The following LIMA1 variants were observed in gnomAD, a reference collection of about 807,000 sequenced individuals.
The protein encoded by LIMA1 is LIM domain and actin-binding protein 1.
LIMA1 carries 52 observed loss-of-function variants against 62.6 expected under a neutral mutation model. The observed-to-expected ratio is 0.83, with a 90% CI of 0.67 to 1.05. The LOEUF (loss-of-function observed/expected upper bound fraction) is 1.05. Among genes scored for constraint, LIMA1 ranks in the 50% least tolerant of loss-of-function variants. The pLI is 0.00. For missense variants in LIMA1, 780 were observed against 902.2 expected (o/e 0.86, Z 1.74); for synonymous variants, 302 against 317.8 (o/e 0.95, Z 0.53).
chr12:50,237,402 C>T (rs1941711125), intron 2 of LIMA1, among the ~76,000 whole-genome samples: 1 of 152,144 alleles, frequency 6.6e-6, no homozygotes. Flanking sequence ...TTTGGGAGGC[C>T]AAGGCGGGCG....
chr12:50,192,371 C>T, intron 9 of LIMA1, 81 bp downstream of exon 9: 1 of 996,374 alleles, frequency 1.0e-6, no homozygotes, highest in East Asian at 2.4e-5. Flanking sequence ...AGGTTATAAT[C>T]AACATCATCA....
intron 1 of LIMA1, among the ~76,000 whole-genome samples, chr12:50,251,248 C>A (rs977534501): frequency 6.6e-6 from 1 of 151,990 alleles, no homozygotes; most frequent in African/African-American, 2.4e-5. Context: ...AATATACTAC[C>A]AATATAGTTG....
chr12:50,226,765 G>C (rs948478670), intron 3 of LIMA1, among the ~76,000 whole-genome samples: 2 of 151,828 alleles, frequency 1.3e-5, no homozygotes, highest in African/African-American at 4.8e-5. Context: ...CTTGAACCCG[G>C]GAGGCGGAGG....
At position 50,177,931 on chromosome 12, in the gene LIMA1, GT is replaced by G. The variant is rs1565824581; in HGVS notation, c.1412del (p.Asn471ThrfsTer23). The G allele has an allele frequency of 1.2e-6, 2 of 1,613,956 alleles. No homozygotes were observed. The highest frequency in any genetic ancestry group is 1.7e-6 in the Non-Finnish European group (2 of 1,180,000). On this transcript the variant is annotated frameshift_variant, in exon 11 of 11. Transcript: ENST00000341247. LOFTEE classifies it high-confidence loss of function. ...GGGCTGGTCTCTCCAAAATCTCTTC[GT>G]TTTCATTTTTGCTTGCCCATAGATC... ...HKDLWASKNE[N>X]EEILERPAQL...
intron 2 of LIMA1, 136 bp downstream of exon 2, chr12:50,248,497 C>G: frequency 8.2e-5 from 52 of 630,458 alleles, no homozygotes; most frequent in Non-Finnish European, 1.0e-4. Context: ...CTCCACAGTA[C>G]CTCATATAGT....
intron 4 of LIMA1, chr12:50,217,697 G>T: frequency 3.7e-6 from 1 of 268,632 alleles, no homozygotes; most frequent in Non-Finnish European, 7.4e-6. Context: ...AGCACCCGCA[G>T]GTCTACAGTG....
At chr12:50,205,898 T>A in intron 5 of LIMA1, 86 bp downstream of exon 5, 2 of 906,936 alleles carry the variant, frequency 2.2e-6, no homozygotes, top group Non-Finnish European at 3.3e-6. Flanking sequence ...ACTCTTCCTT[T>A]AAAAGCATTG....
intron 2 of LIMA1, among the ~76,000 whole-genome samples, chr12:50,240,035 AC>A (rs1317095277): frequency 1.1e-4 from 17 of 149,882 alleles, no homozygotes; most frequent in South Asian, 6.7e-4. Context: ...ACATAACATA[AC>A]ATAACATAAC....
intron 10 of LIMA1, among the ~76,000 whole-genome samples, chr12:50,179,651 A>C (rs183295954): frequency 1.9e-4 from 28 of 148,516 alleles, no homozygotes; most frequent in African/African-American, 6.5e-4. Flanking sequence ...GTTAGCCAGG[A>C]TGGTCTCAAT....
At position 50,177,861 on chromosome 12, in the gene LIMA1, C is replaced by A; in HGVS notation, c.1483G>T (p.Asp495Tyr). ...RETPHSPGVE[D>Y]APIAKVGVLA... is the part of the protein sequence containing the mutation. Reference sequence around the variant, plus strand: ...ACACCCACCTTAGCAATAGGGGCATCTTCTACCCCTGGGCTGTGAGGGGTC... The same window carrying A: ...ACACCCACCTTAGCAATAGGGGCATATTCTACCCCTGGGCTGTGAGGGGTC... Residue 495 changes from aspartate (D) to tyrosine (Y), a missense_variant, in exon 11 of 11, where the codon GAT becomes TAT. Physicochemically the swap from Asp to Tyr is radical, Grantham distance 160. Transcript: ENST00000341247. The A allele has an allele frequency of 1.2e-6, 2 of 1,613,276 alleles. No homozygotes were observed. Among genetic ancestry groups the A allele is most frequent in the African/African-American group, 1.3e-5 (1 of 75,022 alleles).
chr12:50,252,909 T>C (rs1941949002), intron 1 of LIMA1, among the ~76,000 whole-genome samples: 1 of 152,134 alleles, frequency 6.6e-6, no homozygotes, highest in Admixed American at 6.6e-5. Context: ...TGCAACTTGC[T>C]AAGAGGGAAA....
In LIMA1 at chr12:50,176,489, GAGAGCAGGACATAA is replaced by G. The variant is rs1437906966; in HGVS notation, c.*561_*574del. The G allele has an allele frequency of 6.6e-6, 1 of 152,382 alleles. No homozygotes were observed. The highest frequency in any genetic ancestry group is 1.5e-5 in the Non-Finnish European group (1 of 68,064). 9.4% of individuals were successfully genotyped at this position (152,382 alleles called of 1,614,324 possible). The stretch of plus-strand genomic sequence containing the variant: ...GACGTCGAGTTCAGGATGTAGTTTA[GAGAGCAGGACATAA>G]AGTAGTAAATTCCTCATATATATCA... On this transcript the variant is annotated 3_prime_UTR_variant, in exon 11 of 11. Transcript: ENST00000341247.
Position 50,176,946 on chromosome 12 carries a change from A to T in LIMA1, c.*118T>A. The T allele has an allele frequency of 1.3e-6, 1 of 781,716 alleles. No individual in the cohort carries two copies. Among genetic ancestry groups the T allele is most frequent in the Non-Finnish European group, 1.9e-6 (1 of 527,146 alleles). The allele number at this position is 781,716 out of a possible 1,614,324, so 48.4% of individuals were successfully genotyped here. ...TAAGAAGGAATTCTTTTCCAAAGTT[A>T]CTTCCAAGTAAATTACATTTCATGC... On this transcript the variant is annotated 3_prime_UTR_variant, in exon 11 of 11. Coordinates refer to ENST00000341247, the MANE Select transcript of LIMA1 (RefSeq NM_016357.5).
At chr12:50,198,708 A>C (rs1329879027) in intron 7 of LIMA1, among the ~76,000 whole-genome samples, 1 of 152,200 alleles carries the variant, frequency 6.6e-6, no homozygotes, top group African/African-American at 2.4e-5. Flanking sequence ...AATCACTGTA[A>C]TAGATTTGAA....
intron 4 of LIMA1, among the ~76,000 whole-genome samples, chr12:50,214,024 CCACACA>C (rs10632810): frequency 9.6e-5 from 10 of 104,490 alleles, no homozygotes; most frequent in Admixed American, 3.5e-4. Flanking sequence ...TATTATCTTA[CCACACA>C]CACACACACA....
intron 7 of LIMA1, among the ~76,000 whole-genome samples, chr12:50,197,531 A>G (rs1940957440): frequency 6.6e-6 from 1 of 152,216 alleles, no homozygotes; most frequent in Non-Finnish European, 1.5e-5. Context: ...TGCTTGAAGA[A>G]TATGTATTGT....
At chr12:50,230,405 G>C (rs984081432) in intron 3 of LIMA1, among the ~76,000 whole-genome samples, 2 of 152,114 alleles carry the variant, frequency 1.3e-5, no homozygotes, top group Non-Finnish European at 2.9e-5. Flanking sequence ...CTGGGATGTA[G>C]TCTGTGCTTG....
At chr12:50,258,905 C>A (rs965290759) in intron 1 of LIMA1, among the ~76,000 whole-genome samples, 12 of 152,070 alleles carry the variant, frequency 7.9e-5, no homozygotes, top group African/African-American at 2.7e-4. Flanking sequence ...CTCGGCCCCC[C>A]AAAGTGCTGG....
chr12:50,229,038 G>A (rs1289319165), intron 3 of LIMA1, among the ~76,000 whole-genome samples: 1 of 152,084 alleles, frequency 6.6e-6, no homozygotes, highest in Non-Finnish European at 1.5e-5. Context: ...TGCCATTCTT[G>A]ATTCTTCTTT....
Sources: allele counts gnomAD v4.1 joint callset (sites outside exome capture counted in the v4.1 genomes callset), GRCh38; gene constraint gnomAD v4.1.1; transcripts MANE v1.5; gene names NCBI Gene and HGNC (gene_info 2026-07-23, HGNC 2026-07-21).